The following OR2I1 variants were observed in gnomAD, a reference collection of about 807,000 sequenced individuals.
OR2I1 encodes olfactory receptor family 2 subfamily I member 1 (gene/pseudogene), also known as putative olfactory receptor 2I1.
At chr6:29,556,413 C>T in the OR2I1 span, 11 of 1,236,012 alleles carry the variant, frequency 8.9e-6, no homozygotes, top group Middle Eastern at 7.7e-4. Flanking sequence ...CTTCTACTCC[C>T]CACCACAATG....
chr6:29,556,406 C>T, the OR2I1 span: 4 of 1,325,254 alleles, frequency 3.0e-6, no homozygotes, highest in East Asian at 9.3e-5. Context: ...CTTTACACTT[C>T]TACTCCCCAC....
At chr6:29,553,819 G>C in the OR2I1 span, 1 of 398,574 alleles carries the variant, frequency 2.5e-6, no homozygotes, top group Non-Finnish European at 4.4e-6. Context: ...CCAGATGTTC[G>C]CCGCCCGCGT....
the OR2I1 span, among the ~76,000 whole-genome samples, chr6:29,552,024 A>G: frequency 1.3e-5 from 2 of 152,354 alleles, no homozygotes; most frequent in South Asian, 4.1e-4. Context: ...TATCCATATA[A>G]TAATTTATGT....
At chr6:29,553,870 T>C in the OR2I1 span, 10 of 398,630 alleles carry the variant, frequency 2.5e-5, no homozygotes, top group Admixed American at 2.6e-4. Context: ...CCTGGCCTCC[T>C]ACGGTGCCGT....
At chr6:29,555,524 C>T in the OR2I1 span, 2 of 243,398 alleles carry the variant, frequency 8.2e-6, no homozygotes, top group East Asian at 1.8e-4. Context: ...TGGATCCCAA[C>T]CTAAAACTTA....
the OR2I1 span, chr6:29,554,401 T>C: frequency 2.8e-6 from 1 of 361,588 alleles, no homozygotes; most frequent in East Asian, 4.1e-5. Context: ...CCCTCACAAC[T>C]CCACGCGCAG....
chr6:29,556,110 A>C, the OR2I1 span: 2 of 1,613,126 alleles, frequency 1.2e-6, no homozygotes, highest in Non-Finnish European at 1.7e-6. Context: ...ACAAGAAACA[A>C]GGGCAGCTCC....
the OR2I1 span, chr6:29,555,899 C>G: frequency 0.76 from 1,225,801 of 1,612,538 alleles, 470,465 homozygotes; most frequent in African/African-American, 0.95. Flanking sequence ...AATACAATAA[C>G]ATGCCAGGAA....
At chr6:29,557,186 A>G in the OR2I1 span, 4 of 152,310 alleles carry the variant, frequency 2.6e-5, no homozygotes, top group African/African-American at 7.2e-5. Flanking sequence ...AGAATAAACT[A>G]TGTTCTGCCA....
At chr6:29,557,201 GT>G in the OR2I1 span, 4 of 152,176 alleles carry the variant, frequency 2.6e-5, no homozygotes, top group Non-Finnish European at 5.9e-5. Context: ...CTGCCACAAA[GT>G]TTTTTCTTTT....
chr6:29,554,027 G>T, the OR2I1 span: 1 of 398,844 alleles, frequency 2.5e-6, no homozygotes, highest in East Asian at 3.6e-5. Flanking sequence ...AACCAGGCAC[G>T]GGGCAAGTTC....
At chr6:29,556,634 C>T in the OR2I1 span, 2 of 435,328 alleles carry the variant, frequency 4.6e-6, no homozygotes, top group Non-Finnish European at 8.1e-6. Flanking sequence ...CGCTCTTTTG[C>T]TCAGGGGGAC....
the OR2I1 span, chr6:29,555,704 A>C: frequency 5.1e-6 from 3 of 589,382 alleles, no homozygotes; most frequent in South Asian, 6.8e-5. Flanking sequence ...ATTGTGTTAG[A>C]ATCAAAGAAA....
At chr6:29,551,279 A>C in the OR2I1 span, among the ~76,000 whole-genome samples, 1 of 152,234 alleles carries the variant, frequency 6.6e-6, no homozygotes, top group Non-Finnish European at 1.5e-5. Flanking sequence ...ATATGACCCC[A>C]AATTATAAAA....
At chr6:29,556,051 G>A in the OR2I1 span, 1 of 1,612,982 alleles carries the variant, frequency 6.2e-7, no homozygotes, top group African/African-American at 1.3e-5. Flanking sequence ...CCACTGAGCT[G>A]GACCTTCGCA....
chr6:29,553,062 C>G, the OR2I1 span: 251 of 396,964 alleles, frequency 6.3e-4, 4 homozygotes, highest in South Asian at 0.012. Context: ...TTTAAGTAAT[C>G]TCATCTGTAA....
the OR2I1 span, chr6:29,556,114 C>T: frequency 6.2e-7 from 1 of 1,613,146 alleles, no homozygotes; most frequent in Admixed American, 1.7e-5. Context: ...GAAACAAGGG[C>T]AGCTCCTCAT....
the OR2I1 span, chr6:29,553,635 A>T: frequency 5.0e-6 from 2 of 398,258 alleles, no homozygotes; most frequent in Non-Finnish European, 8.9e-6. Flanking sequence ...CCCCGCGCCT[A>T]TGTCGCACGC....
chr6:29,553,057 G>A, the OR2I1 span: 1 of 396,318 alleles, frequency 2.5e-6, no homozygotes, highest in African/African-American at 2.1e-5. Flanking sequence ...TTATTTTTAA[G>A]TAATCTCATC....
Sources: allele counts gnomAD v4.1 joint callset (sites outside exome capture counted in the v4.1 genomes callset), GRCh38; gene constraint gnomAD v4.1.1; transcripts MANE v1.5; gene names NCBI Gene and HGNC (gene_info 2026-07-23, HGNC 2026-07-21).